The following DTNB variants were observed in gnomAD, a reference collection of about 807,000 sequenced individuals.
The protein encoded by DTNB is dystrobrevin beta.
Under a neutral mutation model 90.7 loss-of-function variants are expected in DTNB, and 63 were observed. The ratio of observed to expected loss-of-function variants is 0.69; its 90% CI spans 0.57 to 0.86. DTNB has a LOEUF of 0.86. Among genes scored for constraint, DTNB ranks in the 40% least tolerant of loss-of-function variants. The probability of loss-of-function intolerance (pLI) is 0.00; values close to 1 mark genes in which losing one functional copy is unlikely to be tolerated. For missense variants in DTNB, 744 were observed against 807.1 expected (o/e 0.92, Z 0.95); for synonymous variants, 277 against 286.7 (o/e 0.97, Z 0.34).
chr2:25,607,419 G>C (rs2067356062), intron 4 of DTNB, 98 bp from the exon 5 acceptor site: 7 of 1,119,094 alleles, frequency 6.3e-6, no homozygotes, highest in Non-Finnish European at 8.7e-6. Context: ...GTTGATTCCT[G>C]ACCTTGTCTG....
chr2:25,671,502 C>T (rs1000085466), intron 1 of DTNB, among the ~76,000 whole-genome samples: 1 of 152,202 alleles, frequency 6.6e-6, no homozygotes, highest in African/African-American at 2.4e-5. Flanking sequence ...AAATTTACTT[C>T]TTCAAGGCTT....
chr2:25,505,821 C>T (rs999850577), intron 9 of DTNB, among the ~76,000 whole-genome samples: 3 of 152,168 alleles, frequency 2.0e-5, no homozygotes, highest in Admixed American at 1.3e-4. Flanking sequence ...TCTTCATCAT[C>T]GCTAAAGGTT....
At chr2:25,410,708 A>G (rs546274542) in intron 16 of DTNB, among the ~76,000 whole-genome samples, 1 of 152,238 alleles carries the variant, frequency 6.6e-6, no homozygotes, top group East Asian at 1.9e-4. Flanking sequence ...CGGGGGGGCA[A>G]TGGTTTAAAG....
intron 10 of DTNB, among the ~76,000 whole-genome samples, chr2:25,468,643 T>C (rs971093307): frequency 1.1e-4 from 16 of 152,130 alleles, no homozygotes; most frequent in African/African-American, 3.9e-4. Flanking sequence ...CAGGGTCAAG[T>C]GCAAAATAAA....
At chr2:25,404,406 T>G (rs2044517300) in intron 16 of DTNB, among the ~76,000 whole-genome samples, 1 of 151,878 alleles carries the variant, frequency 6.6e-6, no homozygotes, top group African/African-American at 2.4e-5. Flanking sequence ...AGTGCATGAC[T>G]GAGGCACTGG....
chr2:25,521,539 G>A (rs1489497306), intron 9 of DTNB, among the ~76,000 whole-genome samples: 1 of 151,768 alleles, frequency 6.6e-6, no homozygotes, highest in Non-Finnish European at 1.5e-5. Flanking sequence ...GCATGCAACT[G>A]TACCCGCCTA....
intron 10 of DTNB, among the ~76,000 whole-genome samples, chr2:25,469,462 T>G (rs1221427349): frequency 6.6e-6 from 1 of 152,128 alleles, no homozygotes; most frequent in South Asian, 2.1e-4. Flanking sequence ...CTTACTTATT[T>G]GAGATGGAGT....
At chr2:25,471,308 C>T (rs558734171) in intron 10 of DTNB, among the ~76,000 whole-genome samples, 77 of 152,036 alleles carry the variant, frequency 5.1e-4, no homozygotes, top group Non-Finnish European at 9.3e-4. Context: ...AGCGGGGTCT[C>T]GTCTTGATGA....
intron 18 of DTNB, among the ~76,000 whole-genome samples, chr2:25,384,614 G>A (rs1255620546): frequency 6.6e-6 from 1 of 152,192 alleles, no homozygotes; most frequent in East Asian, 1.9e-4. Flanking sequence ...GTCTACAGAG[G>A]AGAAAACTAG....
intron 3 of DTNB, among the ~76,000 whole-genome samples, chr2:25,633,612 T>C (rs1431935723): frequency 4.0e-5 from 6 of 151,212 alleles, no homozygotes; most frequent in South Asian, 4.2e-4. Context: ...GGAGCGTCTC[T>C]GCCTAGCCGC....
chr2:25,545,152 C>G (rs1206879795), intron 8 of DTNB, among the ~76,000 whole-genome samples: 1 of 152,196 alleles, frequency 6.6e-6, no homozygotes, highest in Non-Finnish European at 1.5e-5. Flanking sequence ...CTCTAACTTT[C>G]TATTTAACCC....
intron 4 of DTNB, among the ~76,000 whole-genome samples, chr2:25,616,804 G>T (rs1459638575): frequency 6.6e-6 from 1 of 150,378 alleles, no homozygotes; most frequent in Non-Finnish European, 1.5e-5. Context: ...TGGTGGCAGG[G>T]GCCTGTAGTC....
At chr2:25,569,415 C>T (rs2059502727) in intron 8 of DTNB, among the ~76,000 whole-genome samples, 1 of 152,172 alleles carries the variant, frequency 6.6e-6, no homozygotes, top group Admixed American at 6.5e-5. Flanking sequence ...TAGTTACTGT[C>T]CACTCTCTTA....
chr2:25,618,981 C>T (rs1278309440), intron 4 of DTNB, among the ~76,000 whole-genome samples: 9 of 152,182 alleles, frequency 5.9e-5, no homozygotes, highest in Non-Finnish European at 1.0e-4. Context: ...ATGCAGGTAC[C>T]TTCTGAAGCC....
At chr2:25,433,757 C>T (rs1217908449) in intron 13 of DTNB, among the ~76,000 whole-genome samples, 153 bp downstream of exon 13, 1 of 152,100 alleles carries the variant, frequency 6.6e-6, no homozygotes, top group Non-Finnish European at 1.5e-5. Flanking sequence ...AATCAGCGTC[C>T]AGGGCATTCC....
chr2:25,439,959 G>A (rs2056991805), intron 12 of DTNB, among the ~76,000 whole-genome samples: 1 of 152,158 alleles, frequency 6.6e-6, no homozygotes, highest in Non-Finnish European at 1.5e-5. Flanking sequence ...TACTCATAAG[G>A]AGGACACATG....
chr2:25,576,023 A>G (rs944428083), intron 8 of DTNB, among the ~76,000 whole-genome samples: 7 of 152,200 alleles, frequency 4.6e-5, no homozygotes, highest in Admixed American at 3.9e-4. Context: ...AAAGACACCA[A>G]TGTGGCAATG....
At chr2:25,467,939 C>T (rs1041955159) in intron 10 of DTNB, among the ~76,000 whole-genome samples, 3 of 152,000 alleles carry the variant, frequency 2.0e-5, no homozygotes, top group Non-Finnish European at 4.4e-5. Context: ...AACAAGTATA[C>T]ACATGGTATA....
intron 9 of DTNB, among the ~76,000 whole-genome samples, chr2:25,515,805 G>A (rs1249560768): frequency 6.6e-6 from 1 of 151,974 alleles, no homozygotes; most frequent in Non-Finnish European, 1.5e-5. Flanking sequence ...TCGAACTCCT[G>A]ACCTCAGCTG....
Sources: allele counts gnomAD v4.1 joint callset (sites outside exome capture counted in the v4.1 genomes callset), GRCh38; gene constraint gnomAD v4.1.1; transcripts MANE v1.5; gene names NCBI Gene and HGNC (gene_info 2026-07-23, HGNC 2026-07-21).